The following HIP1 variants were observed in gnomAD, a reference collection of about 807,000 sequenced individuals.
HIP1 encodes the protein huntingtin-interacting protein 1.
HIP1 carries 65 observed loss-of-function variants against 147.6 expected under a neutral mutation model. That is an observed-to-expected ratio of 0.44 (90% CI 0.36 to 0.54). The LOEUF is 0.54. Among genes scored for constraint, HIP1 ranks in the 20% least tolerant of loss-of-function variants. HIP1 has a pLI of 0.00. For missense variants in HIP1, 1,061 were observed against 1,299.6 expected (o/e 0.82, Z 2.82); for synonymous variants, 479 against 504.0 (o/e 0.95, Z 0.67).
rs1406542564 is a variant in HIP1 at position 75,663,993 on chromosome 7, T to TAC, written c.121-64748_121-64747dup. ...ATATACACATATATGTGTATATATA[T>TAC]ACACATATATGTGTATATATATACA... On this transcript the variant is annotated intron_variant, in intron 1 of 30. Coordinates refer to ENST00000336926, the MANE Select transcript of HIP1 (RefSeq NM_005338.7). 7.2e-5 allele frequency among the ~76,000 whole-genome samples: 3 copies of TAC among 41,552 alleles called. 1 individual carries two copies. The highest frequency in any genetic ancestry group is 4.6e-4 in the African/African-American group (3 of 6,496). 27.3% of individuals were successfully genotyped at this position (41,552 alleles called of 152,430 possible).
intron 1 of HIP1, among the ~76,000 whole-genome samples, chr7:75,683,306 C>T (rs1041983549): frequency 3.9e-5 from 6 of 152,018 alleles, no homozygotes; most frequent in Admixed American, 6.6e-5. Context: ...GAAGGGTCTT[C>T]GAGGTGCTGG....
chr7:75,718,931 A>T (rs781786436), intron 1 of HIP1, among the ~76,000 whole-genome samples: 5 of 151,924 alleles, frequency 3.3e-5, no homozygotes, highest in Non-Finnish European at 7.4e-5. Flanking sequence ...ATATCCCTCA[A>T]CTCAGGCCTA....
rs915309437 is a variant in HIP1 at position 75,705,787 on chromosome 7, A to C, written c.120+33014T>G. On this transcript the variant is annotated intron_variant, in intron 1 of 30. Transcript: ENST00000336926. ...TGATGTGTAAATAATGCTGCTGTGA[A>C]CATGGGTCTACAAACATCTCTTCAT... Among the ~76,000 whole-genome samples the C allele has an allele frequency of 5.3e-5, 8 of 152,222 alleles. No homozygotes were observed. The East Asian group carries it at 1.3e-3, about 26-fold the overall frequency.
intron 1 of HIP1, among the ~76,000 whole-genome samples, chr7:75,670,524 C>T (rs1210086989): frequency 6.6e-6 from 1 of 152,040 alleles, no homozygotes; most frequent in Admixed American, 6.6e-5. Flanking sequence ...ATTTGTGCAA[C>T]CATCACGGCC....
At position 75,689,855 on chromosome 7, in the gene HIP1, C is replaced by G. The variant is rs560295057; in HGVS notation, c.120+48946G>C. ...GAGGGGTGTGCTAAATGGCATTCAG[C>G]ACAGAATTTACAAGTGGAAACCTTG... On this transcript the variant is annotated intron_variant, in intron 1 of 30. Coordinates refer to ENST00000336926, the MANE Select transcript of HIP1 (RefSeq NM_005338.7). Among the ~76,000 whole-genome samples, 38 of 152,252 alleles carry G rather than the reference C, an allele frequency of 2.5e-4. No individual in the cohort carries two copies. The South Asian group carries it at 7.9e-3, about 32-fold the overall frequency.
chr7:75,727,268 G>GT, intron 1 of HIP1, among the ~76,000 whole-genome samples: 1 of 151,458 alleles, frequency 6.6e-6, no homozygotes, highest in East Asian at 2.0e-4. Context: ...CTAAGTTTTT[G>GT]TATTTTTTGT....
chr7:75,662,823 G>A (rs965577089), intron 1 of HIP1, among the ~76,000 whole-genome samples: 1 of 152,072 alleles, frequency 6.6e-6, no homozygotes, highest in Admixed American at 6.6e-5. Flanking sequence ...AGGACACGAG[G>A]GCCTGTTTTT....
intron 1 of HIP1, among the ~76,000 whole-genome samples, chr7:75,605,728 G>A (rs1797199253): frequency 6.6e-6 from 1 of 152,182 alleles, no homozygotes; most frequent in South Asian, 2.1e-4. Context: ...TAGAGACAGG[G>A]TTTTGCCATG....
At chr7:75,593,554 C>T (rs1441265792) in intron 2 of HIP1, among the ~76,000 whole-genome samples, 7 of 140,674 alleles carry the variant, frequency 5.0e-5, no homozygotes, top group African/African-American at 8.2e-5. Context: ...TGCTTGAATC[C>T]GGGAGGTGGA....
chr7:75,693,164 CAAA>C (rs201833622), intron 1 of HIP1, among the ~76,000 whole-genome samples: 4 of 119,042 alleles, frequency 3.4e-5, no homozygotes, highest in African/African-American at 3.0e-5. Flanking sequence ...AACCCTGTCT[CAAA>C]AAAAAAAAAA....
At chr7:75,639,607 G>A (rs1798577835) in intron 1 of HIP1, among the ~76,000 whole-genome samples, 1 of 151,106 alleles carries the variant, frequency 6.6e-6, no homozygotes, top group African/African-American at 2.4e-5. Context: ...CCGCGTGTGT[G>A]TGCAGGCGTG....
In HIP1 at chr7:75,563,047, G is replaced by T. The variant is rs1290012201; in HGVS notation, c.908C>A (p.Ala303Asp). 1 of 1,614,092 alleles carries T rather than the reference G, an allele frequency of 6.2e-7. No homozygotes were observed. Among genetic ancestry groups the T allele is most frequent in the Non-Finnish European group, 8.5e-7 (1 of 1,180,054 alleles). Residue 303 changes from alanine to aspartate, a missense_variant, in exon 11 of 31, where the codon GCC becomes GAC. Transcript: ENST00000336926. ...ENPPNFLRAS[A>D]LSEHISPVVV... The stretch of plus-strand genomic sequence containing the variant: ...CACAGGGCTGATATGTTCTGACAGG[G>T]CTGAGGCTCGCAGGAAGTTGGGTGG...
chr7:75,638,022 A>ACAC (rs1355904184), intron 1 of HIP1, among the ~76,000 whole-genome samples: 1 of 99,486 alleles, frequency 1.0e-5, no homozygotes, highest in East Asian at 3.4e-4. Context: ...ACACACACAC[A>ACAC]CACACACACA....
At chr7:75,549,755 G>A (rs1035861155) in intron 22 of HIP1, among the ~76,000 whole-genome samples, 4 of 151,114 alleles carry the variant, frequency 2.6e-5, no homozygotes, top group Non-Finnish European at 5.9e-5. Context: ...CTGCAGCCTC[G>A]ACCTTCCATG....
chr7:75,592,324 C>G, intron 3 of HIP1, 48 bp downstream of exon 3: 1 of 1,573,060 alleles, frequency 6.4e-7, no homozygotes, highest in Non-Finnish European at 8.6e-7. Context: ...GTCACTTTCC[C>G]CACAAGGATC....
At chr7:75,718,175 AT>A (rs1308064330) in intron 1 of HIP1, among the ~76,000 whole-genome samples, 5 of 151,986 alleles carry the variant, frequency 3.3e-5, no homozygotes, top group South Asian at 4.2e-4. Flanking sequence ...GGTAAAAAAA[AT>A]AAAATTAAAA....
chr7:75,636,412 C>T (rs587625896), intron 1 of HIP1, among the ~76,000 whole-genome samples: 1 of 152,204 alleles, frequency 6.6e-6, no homozygotes. Context: ...CCTCACTCTG[C>T]GTAAGCAGGA....
chr7:75,593,767 C>A (rs942803127), intron 2 of HIP1, among the ~76,000 whole-genome samples: 2 of 152,040 alleles, frequency 1.3e-5, no homozygotes, highest in Non-Finnish European at 2.9e-5. Flanking sequence ...ATTTAGCCAG[C>A]CTTTTGCTTG....
chr7:75,736,520 C>G (rs1443279406), intron 1 of HIP1, among the ~76,000 whole-genome samples: 2 of 151,756 alleles, frequency 1.3e-5, no homozygotes, highest in Non-Finnish European at 2.9e-5. Flanking sequence ...AGTTTGAGAC[C>G]AGTCCGGGCA....
Sources: allele counts gnomAD v4.1 joint callset (sites outside exome capture counted in the v4.1 genomes callset), GRCh38; gene constraint gnomAD v4.1.1; transcripts MANE v1.5; gene names NCBI Gene and HGNC (gene_info 2026-07-23, HGNC 2026-07-21).